EXOC6: variants seen among roughly 807,000 people sequenced by gnomAD.
The protein encoded by EXOC6 is exocyst complex component 6.
EXOC6 carries 60 observed loss-of-function variants against 112.5 expected under a neutral mutation model. That is an observed-to-expected ratio of 0.53 (90% CI 0.43 to 0.66). The LOEUF (loss-of-function observed/expected upper bound fraction) is 0.66. EXOC6 is among the 30% of genes least tolerant of loss of function. The pLI, the probability that EXOC6 is intolerant of heterozygous loss-of-function variation, is 0.00. For synonymous variants in EXOC6, 295 were observed against 308.0 expected, an observed-to-expected ratio of 0.96 and a Z score of 0.44; for missense variants, 855 against 957.1, an observed-to-expected ratio of 0.89 and a Z score of 1.41.
intron 20 of EXOC6, among the ~76,000 whole-genome samples, chr10:93,038,657 T>C (rs775744254): frequency 1.1e-4 from 17 of 152,218 alleles, no homozygotes; most frequent in Non-Finnish European, 2.1e-4. Context: ...AGCTTTTTCA[T>C]GTATAATCTC....
chr10:93,049,054 A>G (rs1846147207), intron 20 of EXOC6, among the ~76,000 whole-genome samples: 2 of 151,862 alleles, frequency 1.3e-5, no homozygotes, highest in South Asian at 4.1e-4. Flanking sequence ...AAATGTTAAT[A>G]GCAGCATTTT....
At chr10:92,975,379 C>T (rs1177366677) in intron 18 of EXOC6, among the ~76,000 whole-genome samples, 13 of 151,054 alleles carry the variant, frequency 8.6e-5, no homozygotes, top group African/African-American at 2.7e-4. Flanking sequence ...GCAGCCGCCC[C>T]GTCTGAGAAG....
At chr10:92,942,076 T>C (rs1275640180) in intron 13 of EXOC6, among the ~76,000 whole-genome samples, 2 of 152,182 alleles carry the variant, frequency 1.3e-5, no homozygotes, top group Admixed American at 6.5e-5. Flanking sequence ...ACTATGGAGA[T>C]TGACCTTCTA....
chr10:92,946,920 C>T (rs1853053660), intron 13 of EXOC6, among the ~76,000 whole-genome samples: 1 of 152,054 alleles, frequency 6.6e-6, no homozygotes, highest in Admixed American at 6.6e-5. Flanking sequence ...GTTTCTGAAC[C>T]TTGTACTTCT....
chr10:92,940,632 T>C (rs748405316), intron 12 of EXOC6, 95 bp from the exon 13 acceptor site: 8 of 767,608 alleles, frequency 1.0e-5, no homozygotes, highest in Non-Finnish European at 1.5e-5. Context: ...TGGGATCTAG[T>C]GATTCCTTCC....
chr10:92,976,001 G>T (rs1468488679), intron 18 of EXOC6, among the ~76,000 whole-genome samples: 1 of 144,076 alleles, frequency 6.9e-6, no homozygotes, highest in Non-Finnish European at 1.5e-5. Context: ...ACTGGGAAGT[G>T]AGGAGCCCCT....
chr10:93,029,360 G>A (rs914642336), intron 20 of EXOC6, among the ~76,000 whole-genome samples: 3 of 152,058 alleles, frequency 2.0e-5, no homozygotes, highest in African/African-American at 7.2e-5. Context: ...TAGTATCTCC[G>A]AAGTATGCCT....
chr10:93,026,493 C>T (rs1030405201), intron 20 of EXOC6, among the ~76,000 whole-genome samples: 3 of 152,140 alleles, frequency 2.0e-5, no homozygotes, highest in Non-Finnish European at 4.4e-5. Context: ...CTGTGCTTTG[C>T]TTTGTTGCAA....
At chr10:93,044,432 C>G (rs764454378) in intron 20 of EXOC6, among the ~76,000 whole-genome samples, 44 of 152,032 alleles carry the variant, frequency 2.9e-4, no homozygotes, top group Non-Finnish European at 6.2e-4. Context: ...CTCCTAAATA[C>G]AAATACTAAC....
chr10:92,827,621 G>T (rs924340266), intron 1 of EXOC6, among the ~76,000 whole-genome samples: 1 of 151,904 alleles, frequency 6.6e-6, no homozygotes, highest in Non-Finnish European at 1.5e-5. Context: ...TGTTGGAGGG[G>T]ACAGGTGAGT....
At chr10:93,012,203 A>C (rs147131038) in intron 19 of EXOC6, among the ~76,000 whole-genome samples, 1 of 152,210 alleles carries the variant, frequency 6.6e-6, no homozygotes, top group Admixed American at 6.5e-5. Flanking sequence ...ACATAATTCT[A>C]GTAATTGATT....
At chr10:92,938,221 A>T (rs1033123026) in intron 12 of EXOC6, among the ~76,000 whole-genome samples, 5 of 152,168 alleles carry the variant, frequency 3.3e-5, no homozygotes, top group African/African-American at 1.2e-4. Context: ...AGCAACAATG[A>T]TAGTTACATA....
chr10:93,040,077 T>C (rs371557295), intron 20 of EXOC6, among the ~76,000 whole-genome samples: 6 of 152,202 alleles, frequency 3.9e-5, no homozygotes, highest in African/African-American at 1.4e-4. Context: ...AACCTCTCAC[T>C]GTTGCTTTTG....
intron 20 of EXOC6, among the ~76,000 whole-genome samples, chr10:93,043,164 TG>T (rs1374493293): frequency 2.6e-5 from 4 of 152,032 alleles, no homozygotes; most frequent in Non-Finnish European, 5.9e-5. Flanking sequence ...CTTGAACTTC[TG>T]ACCTCGTGAT....
chr10:93,051,237 A>G (rs899882101), intron 20 of EXOC6, among the ~76,000 whole-genome samples: 1 of 152,128 alleles, frequency 6.6e-6, no homozygotes, highest in African/African-American at 2.4e-5. Flanking sequence ...AGAACATTCT[A>G]CATTTGCATG....
Position 92,940,754 on chromosome 10 carries a change from T to G in EXOC6, c.1240T>G (p.Phe414Val), listed in dbSNP as rs1420735823. Residue 414 changes from phenylalanine to valine, a missense_variant, in exon 13 of 22, where the codon TTT (phenylalanine) becomes GTT (valine). Physicochemically the swap from Phe to Val is conservative, Grantham distance 50 (BLOSUM62 -1). Coordinates refer to ENST00000260762, the MANE Select transcript of EXOC6 (RefSeq NM_019053.6). ...TTATGGTTTTCCAGTGAACCGACTT[T>G]TTGACCTTTTATTTGAAATAAGAGA... ...QGYGFPVNRLFDLLFEIRDQY... is the reference protein window; with the variant it reads ...QGYGFPVNRLVDLLFEIRDQY... 6 of 1,611,170 alleles carry G rather than the reference T, an allele frequency of 3.7e-6. No individual in the cohort carries two copies. The highest frequency in any genetic ancestry group is 5.1e-6 in the Non-Finnish European group (6 of 1,179,120).
chr10:92,855,955 C>T (rs567026028), intron 1 of EXOC6, among the ~76,000 whole-genome samples: 4 of 152,254 alleles, frequency 2.6e-5, no homozygotes, highest in South Asian at 4.1e-4. Context: ...ACCTCCGCCT[C>T]CTGGGTTCAA....
At chr10:92,977,206 A>G (rs1304774329) in intron 18 of EXOC6, among the ~76,000 whole-genome samples, 1 of 152,160 alleles carries the variant, frequency 6.6e-6, no homozygotes, top group Non-Finnish European at 1.5e-5. Context: ...AATGCTAGGC[A>G]TAAGTAGGTT....
At chr10:92,908,411 T>C (rs74356026) in intron 5 of EXOC6, among the ~76,000 whole-genome samples, 1,627 of 152,234 alleles carry the variant, frequency 0.011, 34 homozygotes, top group African/African-American at 0.037. Context: ...ATCAACTTAC[T>C]TTGTTTTGCC....
Sources: gnomAD v4.1 joint callset for allele counts (sites outside exome capture counted in the v4.1 genomes callset) on GRCh38, gnomAD v4.1.1 for gene constraint, MANE v1.5 for transcripts, NCBI Gene and HGNC (gene_info 2026-07-23, HGNC 2026-07-21) for gene names.